ABCA13: variants seen among roughly 807,000 people sequenced by gnomAD.
ABCA13 encodes the protein ATP-binding cassette sub-family A member 13.
In ABCA13, 476 loss-of-function variants were observed where a neutral mutation model predicts 478.7. The ratio of observed to expected loss-of-function variants is 0.99; its 90% CI spans 0.92 to 1.07. The LOEUF is 1.07. Among genes scored for constraint, ABCA13 ranks in the 50% least tolerant of loss-of-function variants. The probability of loss-of-function intolerance (pLI) is 0.00; values close to 1 mark genes in which losing one functional copy is unlikely to be tolerated. For missense variants in ABCA13, 6,060 were observed against 5,910.6 expected (o/e 1.03, Z -0.83); for synonymous variants, 2,252 against 2,158.9 (o/e 1.04, Z -1.20).
intron 55 of ABCA13, among the ~76,000 whole-genome samples, chr7:48,561,505 T>C (rs1585813518): frequency 6.6e-6 from 1 of 152,330 alleles, no homozygotes; most frequent in East Asian, 1.9e-4. Flanking sequence ...TGTTGAACAT[T>C]TCTTCATGTA....
chr7:48,224,854 G>T (rs1175308122), intron 5 of ABCA13, among the ~76,000 whole-genome samples: 1 of 152,176 alleles, frequency 6.6e-6, no homozygotes, highest in Non-Finnish European at 1.5e-5. Flanking sequence ...AATCGCTGCA[G>T]CATTCTTTCC....
At chr7:48,384,774 T>C (rs1814920970) in intron 35 of ABCA13, among the ~76,000 whole-genome samples, 1 of 152,212 alleles carries the variant, frequency 6.6e-6, no homozygotes, top group East Asian at 1.9e-4. Flanking sequence ...CTCACAATCC[T>C]GGAGGCTAAA....
At chr7:48,630,444 A>G (rs936064686) in intron 59 of ABCA13, among the ~76,000 whole-genome samples, 7 of 152,172 alleles carry the variant, frequency 4.6e-5, no homozygotes, top group Admixed American at 4.6e-4. Flanking sequence ...TAGTTCAGTT[A>G]GGTTAATGGG....
At chr7:48,318,369 G>A (rs1483228750) in intron 27 of ABCA13, among the ~76,000 whole-genome samples, 1 of 151,962 alleles carries the variant, frequency 6.6e-6, no homozygotes, top group Non-Finnish European at 1.5e-5. Flanking sequence ...TTTTTGGAGA[G>A]ACAGACTCTG....
intron 59 of ABCA13, among the ~76,000 whole-genome samples, chr7:48,635,701 G>C (rs915122560): frequency 6.6e-6 from 1 of 152,170 alleles, no homozygotes; most frequent in Admixed American, 6.5e-5. Context: ...GCTAAGGTGG[G>C]AGAGAGCCCT....
In ABCA13 at chr7:48,388,234, G is replaced by T. The variant is rs76785317; in HGVS notation, c.11473+275G>T. Reference sequence around the variant, plus strand: ...CTCTGTGCATTATGTGCATTTGTGTGTATATTACAATTTAGAAAAATTGAA... The same window carrying T: ...CTCTGTGCATTATGTGCATTTGTGTTTATATTACAATTTAGAAAAATTGAA... On this transcript the variant is annotated intron_variant, in intron 36 of 61. Transcript: ENST00000435803. Among the ~76,000 whole-genome samples, 944 of 152,280 alleles carry T rather than the reference G, an allele frequency of 6.2e-3. 10 individuals carry two copies. The highest frequency in any genetic ancestry group is 0.021 in the African/African-American group (893 of 41,538).
chr7:48,245,842 C>T, intron 12 of ABCA13, 21 bp from the exon 13 acceptor site: 1 of 1,599,832 alleles, frequency 6.3e-7, no homozygotes, highest in Non-Finnish European at 8.5e-7. Context: ...TTACTCCTTC[C>T]CACTCTTATT....
chr7:48,242,490 T>C (rs1050128926), intron 10 of ABCA13, among the ~76,000 whole-genome samples: 3 of 152,168 alleles, frequency 2.0e-5, no homozygotes, highest in Non-Finnish European at 4.4e-5. Flanking sequence ...CAGGCTGAAG[T>C]GCAATGGCGC....
chr7:48,387,991 T>C (rs1194493817), intron 36 of ABCA13, 32 bp downstream of exon 36: 5 of 1,584,726 alleles, frequency 3.2e-6, no homozygotes, highest in South Asian at 1.2e-5. Context: ...TAGATGCATG[T>C]ATTTTTCCTT....
intron 1 of ABCA13, among the ~76,000 whole-genome samples, chr7:48,190,466 C>A (rs1341074736): frequency 6.6e-6 from 1 of 152,144 alleles, no homozygotes; most frequent in African/African-American, 2.4e-5. Context: ...TTCAAGAAAA[C>A]TGTTGCAAAT....
At chr7:48,330,585 T>C (rs900390962) in intron 27 of ABCA13, among the ~76,000 whole-genome samples, 1 of 140,670 alleles carries the variant, frequency 7.1e-6, no homozygotes. Flanking sequence ...ATCCATCCAT[T>C]CATTCATGCA....
At chr7:48,333,020 A>G in intron 27 of ABCA13, among the ~76,000 whole-genome samples, 1 of 152,152 alleles carries the variant, frequency 6.6e-6, no homozygotes, top group East Asian at 1.9e-4. Context: ...GTTTCCTCTC[A>G]TACTCTTTCA....
chr7:48,195,296 G>A (rs1352616154), intron 2 of ABCA13, among the ~76,000 whole-genome samples: 1 of 152,210 alleles, frequency 6.6e-6, no homozygotes, highest in Non-Finnish European at 1.5e-5. Context: ...AATAAAATGA[G>A]CATTTAGGGG....
chr7:48,626,975 G>A, intron 59 of ABCA13: 1 of 985,432 alleles, frequency 1.0e-6, no homozygotes, highest in Non-Finnish European at 1.2e-6. Flanking sequence ...GGAGGAATAA[G>A]TAGCTGAACT....
rs1831209494 is a variant in ABCA13, at chr7:48,506,361, T to A, written c.13317T>A (p.Tyr4439Ter). 8 of 1,613,844 alleles carry A rather than the reference T, an allele frequency of 5.0e-6. No individual in the cohort carries two copies. The highest frequency in any genetic ancestry group is 6.8e-6 in the Non-Finnish European group (8 of 1,179,776). Residue 4439 changes from tyrosine to a stop codon, truncating the protein, a stop_gained, in exon 49 of 62, where the codon TAT (tyrosine) becomes TAA (stop). Coordinates refer to ENST00000435803, the MANE Select transcript of ABCA13 (RefSeq NM_152701.5). LOFTEE classifies it high-confidence loss of function. ...QYGITLYSHP[Y>*]GGALLNEDKI... ...GAATAACACTCTACAGCCACCCATA[T>A]GGAGGGGCCTTGCTGAACGAGGACA...
At chr7:48,465,355 G>T (rs957579833) in intron 43 of ABCA13, among the ~76,000 whole-genome samples, 1 of 152,102 alleles carries the variant, frequency 6.6e-6, no homozygotes, top group African/African-American at 2.4e-5. Flanking sequence ...TGTTCTGCAG[G>T]ATGTGGTTGG....
chr7:48,202,336 ATTAG>A (rs1798886583), intron 3 of ABCA13, among the ~76,000 whole-genome samples: 4 of 152,152 alleles, frequency 2.6e-5, no homozygotes, highest in Non-Finnish European at 4.4e-5. Context: ...TCCCCATCAG[ATTAG>A]TTAGATACAG....
Position 48,466,955 on chromosome 7 carries a change from G to A in ABCA13, c.12816-1G>A. 6.2e-7 allele frequency: 1 copy of A among 1,613,888 alleles called. No homozygotes were observed. Among genetic ancestry groups the A allele is most frequent in the Non-Finnish European group, 8.5e-7 (1 of 1,179,832 alleles). Reference sequence around the variant, plus strand: ...TTCCTTTGTCTCACAATGAACAGCAGCAGTGGGGGCGACAACTTGGACCTC... The same window carrying A: ...TTCCTTTGTCTCACAATGAACAGCAACAGTGGGGGCGACAACTTGGACCTC... On this transcript the variant is annotated splice_acceptor_variant, in intron 43 of 61. Transcript: ENST00000435803. LOFTEE classifies it high-confidence loss of function.
chr7:48,419,332 A>G (rs1192696351), intron 41 of ABCA13, among the ~76,000 whole-genome samples: 2 of 152,182 alleles, frequency 1.3e-5, no homozygotes, highest in Admixed American at 6.5e-5. Flanking sequence ...TTTGTACTTT[A>G]CCCATTCATA....
Sources: allele counts gnomAD v4.1 joint callset (sites outside exome capture counted in the v4.1 genomes callset), GRCh38; gene constraint gnomAD v4.1.1; transcripts MANE v1.5; gene names NCBI Gene and HGNC (gene_info 2026-07-23, HGNC 2026-07-21).